IPO11: variants seen among roughly 807,000 people sequenced by gnomAD.
IPO11 encodes importin-11.
A neutral mutation model predicts 143.2 loss-of-function variants in IPO11; 66 were observed. The observed-to-expected ratio is 0.46, with a 90% CI of 0.38 to 0.57. The LOEUF (loss-of-function observed/expected upper bound fraction) is 0.57, where lower values mean the gene tolerates loss of function less well. Among genes scored for constraint, IPO11 ranks in the 20% least tolerant of loss-of-function variants. The pLI is 0.00. For missense variants in IPO11, 1,026 were observed against 1,141.0 expected, an observed-to-expected ratio of 0.90 and a Z score of 1.45; for synonymous variants, 385 against 377.8, an observed-to-expected ratio of 1.02 and a Z score of -0.22.
chr5:62,533,715 G>T (rs1742636710), intron 22 of IPO11, among the ~76,000 whole-genome samples: 1 of 152,020 alleles, frequency 6.6e-6, no homozygotes, highest in Admixed American at 6.6e-5. Flanking sequence ...TAGTTGCAGT[G>T]GCTCATGCCT....
At chr5:62,488,605 CT>C (rs1316021903) in intron 13 of IPO11, among the ~76,000 whole-genome samples, 1 of 152,140 alleles carries the variant, frequency 6.6e-6, no homozygotes, top group Non-Finnish European at 1.5e-5. Context: ...AAAAGAGGAT[CT>C]TAAGGACAGA....
intron 1 of IPO11, among the ~76,000 whole-genome samples, chr5:62,419,331 A>G (rs986887039): frequency 1.3e-5 from 2 of 152,216 alleles, no homozygotes; most frequent in Admixed American, 6.5e-5. Flanking sequence ...GCTAAAATAA[A>G]TTTATTAAGA....
At chr5:62,545,398 G>C (rs1044352986) in intron 24 of IPO11, among the ~76,000 whole-genome samples, 1 of 152,202 alleles carries the variant, frequency 6.6e-6, no homozygotes, top group African/African-American at 2.4e-5. Flanking sequence ...CTAGCCATAT[G>C]TAGAAAGCTG....
chr5:62,483,527 C>CT (rs1249597915), intron 10 of IPO11: 1 of 397,304 alleles, frequency 2.5e-6, no homozygotes, highest in Non-Finnish European at 4.4e-6. Flanking sequence ...AGCTTAGGGA[C>CT]TTTAAGAATT....
chr5:62,484,351 T>C (rs1268402841), intron 11 of IPO11, among the ~76,000 whole-genome samples, 189 bp downstream of exon 11: 2 of 152,180 alleles, frequency 1.3e-5, no homozygotes, highest in African/African-American at 2.4e-5. Context: ...GAATGACTTA[T>C]GCAAATATGT....
chr5:62,466,874 G>A (rs551866417), intron 5 of IPO11, among the ~76,000 whole-genome samples: 9 of 152,212 alleles, frequency 5.9e-5, no homozygotes, highest in Admixed American at 2.0e-4. Flanking sequence ...CATTTGATGA[G>A]GTATTAATAT....
intron 3 of IPO11, among the ~76,000 whole-genome samples, chr5:62,446,867 G>A (rs1027218473): frequency 6.6e-6 from 1 of 151,912 alleles, no homozygotes; most frequent in African/African-American, 2.4e-5. Context: ...TACTGAACAG[G>A]CTGAGGCAGG....
intron 27 of IPO11, among the ~76,000 whole-genome samples, chr5:62,573,199 C>T (rs1006933107): frequency 1.3e-5 from 2 of 151,984 alleles, no homozygotes; most frequent in Non-Finnish European, 2.9e-5. Flanking sequence ...AAGCTTTACT[C>T]TTAATTTCTC....
chr5:62,518,736 C>A (rs533174173), intron 20 of IPO11, among the ~76,000 whole-genome samples: 157 of 152,018 alleles, frequency 1.0e-3, no homozygotes, highest in African/African-American at 3.6e-3. Context: ...TTTTTTTAAT[C>A]CTGGAAATCC....
intron 13 of IPO11, 121 bp downstream of exon 13, chr5:62,487,982 AG>A: frequency 1.2e-6 from 1 of 822,950 alleles, no homozygotes; most frequent in Admixed American, 3.3e-5. Context: ...TATGAATTTG[AG>A]AAAAACAATT....
At chr5:62,531,279 G>T (rs189633624) in intron 22 of IPO11, among the ~76,000 whole-genome samples, 1 of 152,322 alleles carries the variant, frequency 6.6e-6, no homozygotes, top group Admixed American at 6.5e-5. Context: ...CTGGACTGAA[G>T]CAACTCCTCT....
At chr5:62,437,656 G>A (rs949330391) in intron 2 of IPO11, among the ~76,000 whole-genome samples, 1 of 152,174 alleles carries the variant, frequency 6.6e-6, no homozygotes, top group Non-Finnish European at 1.5e-5. Flanking sequence ...AAACTGTGAT[G>A]ATTTTCAGTT....
At chr5:62,535,735 C>T (rs1213474924) in intron 22 of IPO11, among the ~76,000 whole-genome samples, 2 of 152,030 alleles carry the variant, frequency 1.3e-5, no homozygotes, top group African/African-American at 2.4e-5. Flanking sequence ...AATAGAATGT[C>T]TTCTTTTTAT....
chr5:62,444,642 G>A (rs1198060535), intron 3 of IPO11, among the ~76,000 whole-genome samples: 5 of 151,926 alleles, frequency 3.3e-5, no homozygotes, highest in African/African-American at 7.2e-5. Flanking sequence ...TTGGGAGGTC[G>A]AGGATCACCT....
chr5:62,501,052 T>A (rs1173594252), intron 16 of IPO11, among the ~76,000 whole-genome samples: 1 of 152,246 alleles, frequency 6.6e-6, no homozygotes, highest in Non-Finnish European at 1.5e-5. Context: ...TTTAATGAAG[T>A]ACTTTCAGTG....
At chr5:62,506,216 T>C in intron 18 of IPO11, 25 bp from the exon 19 acceptor site, 1 of 1,319,902 alleles carries the variant, frequency 7.6e-7, no homozygotes, top group Admixed American at 1.8e-5. Flanking sequence ...TAAACCTTTT[T>C]TATTTTCTTT....
intron 27 of IPO11, among the ~76,000 whole-genome samples, chr5:62,564,175 A>G (rs1423677850): frequency 6.6e-6 from 1 of 152,000 alleles, no homozygotes; most frequent in Non-Finnish European, 1.5e-5. Flanking sequence ...ATCTGTATCA[A>G]CCTGTAACAA....
chr5:62,617,674 C>T (rs1159599156), intron 29 of IPO11, among the ~76,000 whole-genome samples: 2 of 151,888 alleles, frequency 1.3e-5, no homozygotes, highest in East Asian at 3.9e-4. Flanking sequence ...AAAGAGTTCG[C>T]CCCATTGCTG....
intron 29 of IPO11, among the ~76,000 whole-genome samples, chr5:62,621,702 A>T (rs1023026865): frequency 6.6e-6 from 1 of 152,184 alleles, no homozygotes; most frequent in African/African-American, 2.4e-5. Context: ...ATATAAATGT[A>T]TGTTGCTGTT....
Sources: allele counts gnomAD v4.1 joint callset (sites outside exome capture counted in the v4.1 genomes callset), GRCh38; gene constraint gnomAD v4.1.1; transcripts MANE v1.5; gene names NCBI Gene and HGNC (gene_info 2026-07-23, HGNC 2026-07-21).